The following SPIN1 variants were observed in gnomAD, a reference collection of about 807,000 sequenced individuals.
SPIN1 encodes spindlin-1.
Under a neutral mutation model 26.0 loss-of-function variants are expected in SPIN1, and 3 were observed. The ratio of observed to expected loss-of-function variants is 0.12; its 90% CI spans 0.05 to 0.30. The LOEUF (loss-of-function observed/expected upper bound fraction) is 0.30. Among genes scored for constraint, SPIN1 ranks in the 10% least tolerant of loss-of-function variants. The pLI is 1.00. For synonymous variants in SPIN1, 101 were observed against 116.5 expected, an observed-to-expected ratio of 0.87 and a Z score of 0.86; for missense variants, 126 against 333.4, an observed-to-expected ratio of 0.38 and a Z score of 4.84.
intron 4 of SPIN1, among the ~76,000 whole-genome samples, chr9:88,463,452 C>CT (rs1828609059): frequency 6.6e-6 from 1 of 152,044 alleles, no homozygotes; most frequent in Non-Finnish European, 1.5e-5. Context: ...TTGGTTTATA[C>CT]TTTTAGAATT....
At chr9:88,426,741 G>T in intron 2 of SPIN1, 150 bp downstream of exon 2, 1 of 527,348 alleles carries the variant, frequency 1.9e-6, no homozygotes, top group Non-Finnish European at 3.2e-6. Flanking sequence ...TTAAGAAGCA[G>T]ATTTAAGTTT....
intron 1 of SPIN1, among the ~76,000 whole-genome samples, chr9:88,412,752 C>G (rs1827477067): frequency 6.6e-6 from 1 of 151,832 alleles, no homozygotes; most frequent in Non-Finnish European, 1.5e-5. Context: ...GGCGCGGTCT[C>G]AGCTCACTGC....
chr9:88,422,395 A>G (rs1039991331), intron 1 of SPIN1, among the ~76,000 whole-genome samples: 1 of 152,232 alleles, frequency 6.6e-6, no homozygotes, highest in East Asian at 1.9e-4. Context: ...AAGATGGTAT[A>G]TCTTTAAAAA....
intron 2 of SPIN1, among the ~76,000 whole-genome samples, chr9:88,440,004 A>G (rs1197533281): frequency 1.3e-5 from 2 of 152,140 alleles, no homozygotes; most frequent in African/African-American, 2.4e-5. Flanking sequence ...ACCGTGTCAT[A>G]TTTATGTTAC....
rs11319746 is a variant in SPIN1, at chr9:88,476,083, T to TG, written c.*815dup. 0.016 allele frequency: 2,357 copies of TG among 150,506 alleles called. 28 individuals are homozygous for TG. Among genetic ancestry groups the TG allele is most frequent in the African/African-American group, 0.028 (1,165 of 41,076 alleles). The allele number at this position is 150,506 out of a possible 1,614,324, so 9.3% of individuals were successfully genotyped here. A position where few individuals can be genotyped will look rare whatever the true frequency, so the allele number is the denominator to read the frequency against. On this transcript the variant is annotated 3_prime_UTR_variant, in exon 6 of 6. Transcript: ENST00000375859. ...TTTAATTCTAAGCTTCATTTTTTTT[T>TG]GGGGGGGGGTTACATTTTAATCATA...
At chr9:88,410,776 C>G in intron 1 of SPIN1, 3 of 1,159,682 alleles carry the variant, frequency 2.6e-6, no homozygotes, top group Non-Finnish European at 2.6e-6. Context: ...GCCATCCCCA[C>G]TGCCACCAAA....
At chr9:88,389,143 G>C (rs1826860751) in intron 1 of SPIN1, among the ~76,000 whole-genome samples, 1 of 152,108 alleles carries the variant, frequency 6.6e-6, no homozygotes, top group African/African-American at 2.4e-5. Flanking sequence ...GGTTCGCGGC[G>C]CCGGAACGCC....
Position 88,476,578 on chromosome 9 carries a change from AC to A in SPIN1, c.*1303del, listed in dbSNP as rs1356773639. The A allele has an allele frequency of 6.6e-6, 1 of 152,196 alleles. No individual in the cohort carries two copies. The highest frequency in any genetic ancestry group is 1.9e-4 in the East Asian group (1 of 5,188). The allele number at this position is 152,196 out of a possible 1,614,324, so 9.4% of individuals were successfully genotyped here. A position where few individuals can be genotyped will look rare whatever the true frequency, so the allele number is the denominator to read the frequency against. ...GGGGTTTGCATGCCAGTGAAGCGTT[AC>A]CATAGAAGAGCCAGCCGTTTGTGTT... is the stretch of plus-strand genomic sequence containing the variant. On this transcript the variant is annotated 3_prime_UTR_variant, in exon 6 of 6. Transcript: ENST00000375859.
At chr9:88,405,695 C>T (rs1169308296) in intron 1 of SPIN1, among the ~76,000 whole-genome samples, 1 of 151,892 alleles carries the variant, frequency 6.6e-6, no homozygotes, top group Non-Finnish European at 1.5e-5. Context: ...AAGTGTGAGC[C>T]ACTGCCCAGC....
chr9:88,388,932 G>A (rs1395039284), intron 1 of SPIN1, among the ~76,000 whole-genome samples: 1 of 151,072 alleles, frequency 6.6e-6, no homozygotes, highest in Non-Finnish European at 1.5e-5. Context: ...GCAGTCGGGC[G>A]CGGGGAGGGG....
intron 1 of SPIN1, among the ~76,000 whole-genome samples, chr9:88,395,165 AATCTG>A (rs750299628): frequency 1.3e-5 from 2 of 152,014 alleles, no homozygotes; most frequent in East Asian, 1.9e-4. Flanking sequence ...GTAGTTAAAA[AATCTG>A]ATCTGTGTTA....
chr9:88,403,744 T>C (rs1827236410), intron 1 of SPIN1, among the ~76,000 whole-genome samples: 1 of 152,122 alleles, frequency 6.6e-6, no homozygotes, highest in Non-Finnish European at 1.5e-5. Context: ...AAACCACTAT[T>C]AAGTGTTCTT....
At chr9:88,421,365 C>T (rs112114487) in intron 1 of SPIN1, among the ~76,000 whole-genome samples, 1 of 151,932 alleles carries the variant, frequency 6.6e-6, no homozygotes, top group Non-Finnish European at 1.5e-5. Flanking sequence ...TGCAGTGGCT[C>T]GATCATGGCT....
chr9:88,390,705 A>G (rs1826900817), intron 1 of SPIN1, among the ~76,000 whole-genome samples: 1 of 152,206 alleles, frequency 6.6e-6, no homozygotes, highest in African/African-American at 2.4e-5. Context: ...TTCAGTTTAG[A>G]AGATGTTATG....
At chr9:88,406,869 C>T (rs187855647) in intron 1 of SPIN1, among the ~76,000 whole-genome samples, 4 of 152,166 alleles carry the variant, frequency 2.6e-5, no homozygotes, top group African/African-American at 7.2e-5. Context: ...CTCCTGGATA[C>T]TCTGTTGAGC....
chr9:88,434,130 G>A (rs1362005390), intron 2 of SPIN1, among the ~76,000 whole-genome samples: 1 of 151,508 alleles, frequency 6.6e-6, no homozygotes, highest in Non-Finnish European at 1.5e-5. Context: ...ATCAGACATT[G>A]GTCTTTATCA....
Position 88,425,606 on chromosome 9 carries a change from C to T in SPIN1, c.-158-776C>T, listed in dbSNP as rs1827748793. Among the ~76,000 whole-genome samples, 4 of 150,400 alleles carry T rather than the reference C, an allele frequency of 2.7e-5. No homozygotes were observed. The South Asian group carries it at 8.4e-4, about 32-fold the overall frequency. On this transcript the variant is annotated intron_variant, in intron 1 of 5. Transcript: ENST00000375859. ...GGCAGAATTGCTTGAACCCGGGAGG[C>T]AGAGGTTACAGTGAGCCAAGGTTGC... is the stretch of plus-strand genomic sequence containing the variant.
At chr9:88,392,860 G>C (rs1198402482) in intron 1 of SPIN1, among the ~76,000 whole-genome samples, 1 of 152,160 alleles carries the variant, frequency 6.6e-6, no homozygotes, top group East Asian at 1.9e-4. Context: ...TCCTATGGCT[G>C]ATCTGTCTAG....
chr9:88,447,187 T>C (rs1318372475), intron 2 of SPIN1, among the ~76,000 whole-genome samples: 1 of 152,216 alleles, frequency 6.6e-6, no homozygotes, highest in Non-Finnish European at 1.5e-5. Flanking sequence ...TCACATTCAG[T>C]GAATTTTTAA....
Sources: allele counts gnomAD v4.1 joint callset (sites outside exome capture counted in the v4.1 genomes callset), GRCh38; gene constraint gnomAD v4.1.1; transcripts MANE v1.5; gene names NCBI Gene and HGNC (gene_info 2026-07-23, HGNC 2026-07-21).